Variants in SHOC1 observed in about 807,000 individuals in gnomAD.
SHOC1 encodes the protein protein shortage in chiasmata 1 ortholog.
Under a neutral mutation model 179.2 loss-of-function variants are expected in SHOC1, and 136 were observed. The observed-to-expected ratio is 0.76, with a 90% CI of 0.66 to 0.87. The LOEUF (loss-of-function observed/expected upper bound fraction) is 0.87. Ranked by LOEUF, SHOC1 falls within the 40% of genes least tolerant of loss-of-function variation. The pLI is 0.00. For missense variants in SHOC1, 1,538 were observed against 1,700.8 expected (o/e 0.90, Z 1.68); for synonymous variants, 489 against 586.6 (o/e 0.83, Z 2.41).
chr9:111,691,588 T>C lies in SHOC1; in HGVS notation c.4389A>G (p.Glu1463=), dbSNP rs775107136. The C allele has an allele frequency of 2.0e-5, 32 of 1,613,430 alleles. No homozygotes were observed. The South Asian group carries it at 3.3e-4, about 17-fold the overall frequency. ...CCTTGTCTCCTGAGTTAAATGAAGATTCATGGTGCCTTTTCTGTCCTAAAC... is the reference window on the plus strand; with the variant it reads ...CCTTGTCTCCTGAGTTAAATGAAGACTCATGGTGCCTTTTCTGTCCTAAAC... ...GKSLGQKRHH[E]SSFNSGDKES... The change falls in exon 27 of 28, where the codon GAA becomes GAG. Residue 1463 remains glutamate, a synonymous_variant. Transcript: ENST00000682961.
chr9:111,793,256 T>C (rs1011662458), intron 1 of SHOC1, among the ~76,000 whole-genome samples: 2 of 152,226 alleles, frequency 1.3e-5, no homozygotes, highest in Non-Finnish European at 2.9e-5. Context: ...AAAAAACTGA[T>C]TGTCTCATTC....
chr9:111,745,523 G>A (rs1312746507), intron 10 of SHOC1, among the ~76,000 whole-genome samples: 1 of 152,144 alleles, frequency 6.6e-6, no homozygotes, highest in African/African-American at 2.4e-5. Flanking sequence ...AAGTTAAACA[G>A]GGCCATTAAT....
chr9:111,728,862 A>G (rs2131442119), intron 12 of SHOC1, among the ~76,000 whole-genome samples: 1 of 152,292 alleles, frequency 6.6e-6, no homozygotes, highest in East Asian at 1.9e-4. Context: ...TACCTCAGAG[A>G]TATTGTGGGT....
Position 111,713,175 on chromosome 9 carries a change from A to G in SHOC1, c.2416-3T>C. The G allele has an allele frequency of 6.7e-7, 1 of 1,482,396 alleles. No homozygotes were observed. Among genetic ancestry groups the G allele is most frequent in the Non-Finnish European group, 9.3e-7 (1 of 1,080,516 alleles). 91.8% of individuals were successfully genotyped at this position (1,482,396 alleles called of 1,614,324 possible). A position where few individuals can be genotyped will look rare whatever the true frequency, so the allele number is the denominator to read the frequency against. Reference sequence around the variant, plus strand: ...TCCATTCTTATTATAATCAGTACCTAGTCAAAAATAAAAATTTCATATATA... The same window carrying G: ...TCCATTCTTATTATAATCAGTACCTGGTCAAAAATAAAAATTTCATATATA... On this transcript the variant is annotated splice_region_variant and splice_polypyrimidine_tract_variant and intron_variant, in intron 17 of 27. Transcript: ENST00000682961.
intron 4 of SHOC1, 76 bp from the exon 5 acceptor site, chr9:111,776,051 A>G: frequency 9.1e-7 from 1 of 1,102,498 alleles, no homozygotes. Flanking sequence ...ATATATGTCC[A>G]CTGTGGAAAA....
intron 15 of SHOC1, among the ~76,000 whole-genome samples, chr9:111,719,043 A>C (rs1474898804): frequency 6.6e-6 from 1 of 152,204 alleles, no homozygotes; most frequent in Non-Finnish European, 1.5e-5. Context: ...AATGAAGATC[A>C]AGGCAAATAT....
intron 8 of SHOC1, among the ~76,000 whole-genome samples, chr9:111,753,239 A>T (rs78329069): frequency 0.012 from 1,893 of 152,272 alleles, 42 homozygotes; most frequent in African/African-American, 0.042. Flanking sequence ...TAAACATTTT[A>T]AAAAAATCAA....
intron 18 of SHOC1, among the ~76,000 whole-genome samples, chr9:111,712,885 C>G (rs566302854): frequency 6.6e-5 from 10 of 152,132 alleles, no homozygotes; most frequent in Non-Finnish European, 1.2e-4. Context: ...TTAGTAATAA[C>G]AAATACATAT....
At chr9:111,715,741 T>C (rs1049227779) in intron 16 of SHOC1, among the ~76,000 whole-genome samples, 1 of 152,162 alleles carries the variant, frequency 6.6e-6, no homozygotes, top group Non-Finnish European at 1.5e-5. Flanking sequence ...CTATATCTAC[T>C]TGGCAAACTT....
At chr9:111,769,576 A>G (rs1835484809) in intron 5 of SHOC1, among the ~76,000 whole-genome samples, 1 of 152,086 alleles carries the variant, frequency 6.6e-6, no homozygotes, top group Non-Finnish European at 1.5e-5. Context: ...CCCAGGCTCA[A>G]TCAATCCTCC....
At chr9:111,746,390 G>C (rs773988630) in intron 9 of SHOC1, 48 bp from the exon 10 acceptor site, 7 of 1,264,760 alleles carry the variant, frequency 5.5e-6, no homozygotes, top group African/African-American at 4.4e-5. Context: ...ATAATATTAA[G>C]TAGGCTAGGC....
intron 5 of SHOC1, among the ~76,000 whole-genome samples, chr9:111,766,565 C>G (rs184237580): frequency 6.6e-6 from 1 of 152,094 alleles, no homozygotes; most frequent in East Asian, 1.9e-4. Flanking sequence ...CTTTTTGATA[C>G]AAGCCATTTT....
chr9:111,736,116 G>C (rs1399680439), intron 12 of SHOC1, among the ~76,000 whole-genome samples: 1 of 152,130 alleles, frequency 6.6e-6, no homozygotes, highest in Admixed American at 6.5e-5. Flanking sequence ...GGAAGAATCA[G>C]TATAGTTAAA....
chr9:111,745,758 C>T (rs1045329096), intron 10 of SHOC1, among the ~76,000 whole-genome samples: 11 of 152,140 alleles, frequency 7.2e-5, no homozygotes, highest in South Asian at 2.1e-4. Flanking sequence ...TAGGGCAGCC[C>T]TAGCAAACTA....
chr9:111,736,123 T>C (rs1833804000), intron 12 of SHOC1, among the ~76,000 whole-genome samples: 1 of 152,156 alleles, frequency 6.6e-6, no homozygotes, highest in Non-Finnish European at 1.5e-5. Context: ...TCAGTATAGT[T>C]AAAATGACCA....
chr9:111,696,697 G>T (rs533994923), intron 24 of SHOC1, among the ~76,000 whole-genome samples: 103 of 152,234 alleles, frequency 6.8e-4, no homozygotes, highest in Admixed American at 2.2e-3. Context: ...TTTGAATATA[G>T]TATCACTCAC....
intron 10 of SHOC1, 128 bp from the exon 11 acceptor site, chr9:111,741,698 A>G (rs570793999): frequency 5.6e-5 from 23 of 413,120 alleles, no homozygotes; most frequent in African/African-American, 4.2e-4. Flanking sequence ...CAGTGGCACT[A>G]TCTTGGCTCA....
rs536552441 is a variant in SHOC1 at position 111,792,850 on chromosome 9, G to A, written c.-36-1396C>T. Among the ~76,000 whole-genome samples the A allele has an allele frequency of 1.1e-4, 17 of 151,826 alleles. No individual in the cohort carries two copies. In the East Asian group the frequency reaches 3.1e-3, roughly 28 times the overall value. On this transcript the variant is annotated intron_variant, in intron 1 of 27. Transcript: ENST00000682961. ...TTTTCTGAGAATATTTCCAATCATT[G>A]CACCTCTATGTCTTTTCCACCCAGT...
At chr9:111,769,696 C>T (rs1835489573) in intron 5 of SHOC1, among the ~76,000 whole-genome samples, 1 of 152,164 alleles carries the variant, frequency 6.6e-6, no homozygotes, top group Non-Finnish European at 1.5e-5. Flanking sequence ...TTTTGAACTC[C>T]TGACCTCAAG....
Sources: gnomAD v4.1 joint callset for allele counts (sites outside exome capture counted in the v4.1 genomes callset) on GRCh38, gnomAD v4.1.1 for gene constraint, MANE v1.5 for transcripts, NCBI Gene and HGNC (gene_info 2026-07-23, HGNC 2026-07-21) for gene names.